The following SLC18A1 variants were observed in gnomAD, a reference collection of about 807,000 sequenced individuals.
SLC18A1 encodes the protein solute carrier family 18 member A1, also known as chromaffin granule amine transporter.
Under a neutral mutation model 53.7 loss-of-function variants are expected in SLC18A1, and 69 were observed. That is an observed-to-expected ratio of 1.28 (90% CI 1.06 to 1.57). The LOEUF is 1.57. Ranked by LOEUF, SLC18A1 falls within the 40% of genes most tolerant of loss-of-function variation. The pLI is 0.00. For synonymous variants in SLC18A1, 320 were observed against 248.1 expected, an observed-to-expected ratio of 1.29 and a Z score of -2.72; for missense variants, 932 against 668.1, an observed-to-expected ratio of 1.40 and a Z score of -4.35.
At position 20,172,901 on chromosome 8, in the gene SLC18A1, A is replaced by G. The variant is rs2128878016; in HGVS notation, c.724+135T>C. ...GGAGAAGGAAATTTAACCTTTTCTC[A>G]GTGATATTTCTAAAGGAGTTGAAAT... On this transcript the variant is annotated intron_variant, in intron 6 of 15. Coordinates refer to ENST00000276373, the MANE Select transcript of SLC18A1 (RefSeq NM_003053.4). The G allele has an allele frequency of 9.1e-6, 6 of 660,598 alleles. 1 individual carries two copies. The South Asian group carries it at 1.1e-4, about 12-fold the overall frequency. The allele number at this position is 660,598 out of a possible 1,614,324, so 40.9% of individuals were successfully genotyped here.
At position 20,151,162 on chromosome 8, in the gene SLC18A1, G is replaced by T. The variant is rs1034346965; in HGVS notation, c.1016-418C>A. ...GTTTTTTTTTGTTTTTTTTTTGTTT[G>T]TTTGTTTGTTTGTTTGTTTTGTAGA... On this transcript the variant is annotated intron_variant, in intron 10 of 15. Coordinates refer to ENST00000276373, the MANE Select transcript of SLC18A1 (RefSeq NM_003053.4). 2.0e-3 allele frequency among the ~76,000 whole-genome samples: 269 copies of T among 137,218 alleles called. 2 individuals carry two copies. Among genetic ancestry groups the T allele is most frequent in the Middle Eastern group, 0.012 (3 of 256 alleles). 90.0% of individuals were successfully genotyped at this position (137,218 alleles called of 152,430 possible).
At chr8:20,171,597 G>C in intron 6 of SLC18A1, 103 bp from the exon 7 acceptor site, 1 of 864,660 alleles carries the variant, frequency 1.2e-6, no homozygotes, top group Non-Finnish European at 1.9e-6. Flanking sequence ...GGCCTGCTAG[G>C]GGCTAAGCTC....
At chr8:20,177,795 C>T (rs2072287620) in intron 4 of SLC18A1, among the ~76,000 whole-genome samples, 1 of 152,126 alleles carries the variant, frequency 6.6e-6, no homozygotes, top group Non-Finnish European at 1.5e-5. Flanking sequence ...TTCCTTCTTC[C>T]TTTACTTCTC....
At chr8:20,149,534 T>A (rs1401593246) in intron 12 of SLC18A1, 142 bp downstream of exon 12, 1 of 671,000 alleles carries the variant, frequency 1.5e-6, no homozygotes, top group African/African-American at 1.8e-5. Flanking sequence ...CCATCTCTGC[T>A]CATCTTAAAG....
chr8:20,153,710 A>G (rs2071616633), intron 10 of SLC18A1, among the ~76,000 whole-genome samples: 1 of 152,108 alleles, frequency 6.6e-6, no homozygotes, highest in Admixed American at 6.6e-5. Flanking sequence ...GTGATGGAAG[A>G]AAAATTACTC....
rs748393296 is a variant in SLC18A1 at position 20,147,703 on chromosome 8, C to A, written c.1230G>T (p.Met410Ile). ...CCACCAGGTGCCCCATGATGGGCAT[C>A]ATAGAAGAATCCACCATGCCTGTGG... ...GLAIGMVDSSMMPIMGHLVDL... is the reference protein window; with the variant it reads ...GLAIGMVDSSIMPIMGHLVDL... Residue 410 changes from methionine (M) to isoleucine (I), a missense_variant, in exon 14 of 16, where the codon ATG becomes ATT. Transcript: ENST00000276373. The A allele has an allele frequency of 6.2e-7, 1 of 1,613,618 alleles. No homozygotes were observed.
Position 20,179,440 on chromosome 8 carries a change from C to G in SLC18A1, c.169G>C (p.Val57Leu). Reference protein sequence around the residue: ...TFLYDMEFKEVNSSLHLGHAG... With the variant: ...TFLYDMEFKELNSSLHLGHAG... ...TGGCCGAGGTGCAGAGAAGAGTTGA[C>G]TTCTTTGAACTCCATGTCATATAGG... The change falls in exon 3 of 16, where the codon GTC (valine) becomes CTC (leucine). Residue 57 changes from valine to leucine, a missense_variant. Physicochemically the swap from Val to Leu is conservative, Grantham distance 32 (BLOSUM62 1). Transcript: ENST00000276373. The G allele has an allele frequency of 1.9e-6, 3 of 1,613,742 alleles. No individual in the cohort carries two copies. Among genetic ancestry groups the G allele is most frequent in the Non-Finnish European group, 2.5e-6 (3 of 1,179,962 alleles).
chr8:20,145,627 A>C lies in SLC18A1; in HGVS notation c.*136T>G. 3.6e-6 allele frequency: 2 copies of C among 548,996 alleles called. No homozygotes were observed. Among genetic ancestry groups the C allele is most frequent in the Non-Finnish European group, 6.5e-6 (2 of 307,482 alleles). 34.0% of individuals were successfully genotyped at this position (548,996 alleles called of 1,614,324 possible). A position where few individuals can be genotyped will look rare whatever the true frequency, so the allele number is the denominator to read the frequency against. On this transcript the variant is annotated 3_prime_UTR_variant, in exon 16 of 16. Coordinates refer to ENST00000276373, the MANE Select transcript of SLC18A1 (RefSeq NM_003053.4). ...GAGAAGAGTATCAGGGACAGTGTCC[A>C]TGGGAGGGGAGGAAAGAAGATTCCC...
At chr8:20,162,884 C>G (rs1043745727) in intron 10 of SLC18A1, among the ~76,000 whole-genome samples, 1 of 152,222 alleles carries the variant, frequency 6.6e-6, no homozygotes, top group Non-Finnish European at 1.5e-5. Flanking sequence ...GCCTGCTCCT[C>G]CAAATTATTG....
chr8:20,167,965 G>A (rs917590790), intron 8 of SLC18A1, among the ~76,000 whole-genome samples: 1 of 151,914 alleles, frequency 6.6e-6, no homozygotes, highest in Non-Finnish European at 1.5e-5. Context: ...ACAAGAACCT[G>A]GGCTCCTTGG....
intron 12 of SLC18A1, chr8:20,148,598 C>A (rs1021973425): frequency 9.0e-6 from 5 of 553,000 alleles, no homozygotes; most frequent in Admixed American, 2.4e-5. Flanking sequence ...TGGCTTGGGT[C>A]CCCTGTCAGG....
intron 12 of SLC18A1, among the ~76,000 whole-genome samples, chr8:20,148,919 C>T (rs2071474683): frequency 6.6e-6 from 1 of 152,154 alleles, no homozygotes. Context: ...ACCATCAGAA[C>T]CCTCTCTACA....
chr8:20,169,299 TTA>T (rs2072051139), intron 8 of SLC18A1, among the ~76,000 whole-genome samples: 1 of 152,174 alleles, frequency 6.6e-6, no homozygotes, highest in African/African-American at 2.4e-5. Flanking sequence ...CATAAATGTC[TTA>T]CACAGTCATG....
chr8:20,171,615 G>A, intron 6 of SLC18A1, 121 bp from the exon 7 acceptor site: 1 of 730,132 alleles, frequency 1.4e-6, no homozygotes, highest in South Asian at 1.6e-5. Flanking sequence ...CTCCACCTGA[G>A]GCTCTGGGAA....
At chr8:20,162,768 C>T (rs1487472862) in intron 10 of SLC18A1, among the ~76,000 whole-genome samples, 1 of 152,186 alleles carries the variant, frequency 6.6e-6, no homozygotes, top group Admixed American at 6.5e-5. Context: ...AACCTCTTAA[C>T]CAATGTCTAA....
At chr8:20,147,085 G>A (rs1158540661) in intron 15 of SLC18A1, among the ~76,000 whole-genome samples, 173 bp downstream of exon 15, 1 of 152,110 alleles carries the variant, frequency 6.6e-6, no homozygotes. Flanking sequence ...GGAAATTAAG[G>A]AAGTGCACAA....
At chr8:20,147,818 T>C in intron 13 of SLC18A1, 96 bp from the exon 14 acceptor site, 1 of 1,543,660 alleles carries the variant, frequency 6.5e-7, no homozygotes, top group Non-Finnish European at 8.8e-7. Context: ...TTGTCTGCTG[T>C]CTTCTGCCTC....
chr8:20,151,589 T>G (rs142754420), intron 10 of SLC18A1, among the ~76,000 whole-genome samples: 2 of 152,306 alleles, frequency 1.3e-5, no homozygotes, highest in East Asian at 3.9e-4. Flanking sequence ...CGGGTTACAA[T>G]GTGGAGCAAA....
chr8:20,169,666 C>T (rs1268972163), intron 8 of SLC18A1, among the ~76,000 whole-genome samples: 3 of 152,084 alleles, frequency 2.0e-5, no homozygotes, highest in African/African-American at 7.2e-5. Context: ...ATCACTTGAG[C>T]TCAGGAGTTC....
Sources: allele counts gnomAD v4.1 joint callset (sites outside exome capture counted in the v4.1 genomes callset), GRCh38; gene constraint gnomAD v4.1.1; transcripts MANE v1.5; gene names NCBI Gene and HGNC (gene_info 2026-07-23, HGNC 2026-07-21).